The following ADGRA1 variants were observed in gnomAD, a reference collection of about 807,000 sequenced individuals.
The protein encoded by ADGRA1 is adhesion G protein-coupled receptor A1.
A neutral mutation model predicts 21.3 loss-of-function variants in ADGRA1; 12 were observed. The ratio of observed to expected loss-of-function variants is 0.56; its 90% CI spans 0.36 to 0.91. ADGRA1 has a LOEUF of 0.91. Among genes scored for constraint, ADGRA1 ranks in the 40% least tolerant of loss-of-function variants. ADGRA1 has a pLI of 0.01. For synonymous variants in ADGRA1, 385 were observed against 368.8 expected (o/e 1.04, Z -0.50); for missense variants, 790 against 805.6 (o/e 0.98, Z 0.23).
chr10:133,129,172 C>G lies in ADGRA1; in HGVS notation c.1344C>G (p.Pro448=), dbSNP rs1051775773. Residue 448 remains proline, a synonymous_variant, in exon 7 of 7, where the codon CCC becomes CCG. Transcript: ENST00000392607. The part of the protein sequence containing the change: ...YHIPSSLDGS[P]RSSRTDSPPS... The stretch of plus-strand genomic sequence containing the variant: ...TCCCATCCAGCCTGGATGGCAGCCC[C>G]CGCAGCTCGCGCACAGACAGCCCCC... 54 of 1,551,248 alleles carry G rather than the reference C, an allele frequency of 3.5e-5. No homozygotes were observed. Among genetic ancestry groups the G allele is most frequent in the Non-Finnish European group, 4.5e-5 (52 of 1,147,430 alleles).
Position 133,128,730 on chromosome 10 carries a change from T to G in ADGRA1, c.902T>G (p.Phe301Cys), listed in dbSNP as rs1337147339. The part of the protein sequence containing the change: ...YGAFCVTLGL[F>C]VLIHHCAKRE... ...GCCTTCTGCGTGACCCTGGGACTCT[T>G]CGTGCTCATCCACCACTGCGCCAAG... Residue 301 changes from phenylalanine to cysteine, a missense_variant, in exon 7 of 7, where the codon TTC (phenylalanine) becomes TGC (cysteine). By Grantham distance (205) the Phe-to-Cys change is radical. This residue lies in a region of ADGRA1 where 17 missense variants were observed against 38.5 expected (regional missense o/e 0.44). Coordinates refer to ENST00000392607, the MANE Select transcript of ADGRA1 (RefSeq NM_001083909.3). 6.2e-7 allele frequency: 1 copy of G among 1,612,056 alleles called. No homozygotes were observed. Among genetic ancestry groups the G allele is most frequent in the Non-Finnish European group, 8.5e-7 (1 of 1,179,604 alleles).
intron 4 of ADGRA1, 87 bp from the exon 5 acceptor site, chr10:133,102,610 C>A: frequency 6.8e-7 from 1 of 1,463,350 alleles, no homozygotes; most frequent in Non-Finnish European, 9.2e-7. Flanking sequence ...CGTTCTCATT[C>A]TTGAAGTTGC....
intron 5 of ADGRA1, among the ~76,000 whole-genome samples, chr10:133,121,607 TGTGA>T (rs1343695707): frequency 7.0e-6 from 1 of 142,680 alleles, no homozygotes; most frequent in African/African-American, 2.6e-5. Context: ...CGTTTGTGCA[TGTGA>T]GTGCCTGTGT....
chr10:133,089,672 G>A (rs955949826), intron 2 of ADGRA1, among the ~76,000 whole-genome samples: 19 of 152,364 alleles, frequency 1.2e-4, no homozygotes, highest in South Asian at 4.1e-4. Flanking sequence ...CACAGACGCC[G>A]GCTGGCGTGC....
At chr10:133,124,623 C>T (rs1230805395) in intron 5 of ADGRA1, among the ~76,000 whole-genome samples, 3 of 152,260 alleles carry the variant, frequency 2.0e-5, no homozygotes, top group African/African-American at 7.2e-5. Flanking sequence ...CAGAAGATGA[C>T]GCTTGAGTGA....
chr10:133,122,715 C>T lies in ADGRA1; in HGVS notation c.402-4518C>T, dbSNP rs561905872. 1.3e-3 allele frequency among the ~76,000 whole-genome samples: 193 copies of T among 152,298 alleles called. 1 individual carries two copies. The highest frequency in any genetic ancestry group is 5.0e-3 in the South Asian group (24 of 4,828). On this transcript the variant is annotated intron_variant, in intron 5 of 6. Transcript: ENST00000392607. ...GTGGTCACGACCCGCGGGGCAGAAGCGAGAACCTTGGGGCCGGCCCCACCC... is the reference window on the plus strand; with the variant it reads ...GTGGTCACGACCCGCGGGGCAGAAGTGAGAACCTTGGGGCCGGCCCCACCC...
chr10:133,114,217 G>A (rs917222842), intron 5 of ADGRA1, among the ~76,000 whole-genome samples: 5 of 152,188 alleles, frequency 3.3e-5, no homozygotes, highest in African/African-American at 1.2e-4. Flanking sequence ...AGGGCAGAGC[G>A]GGACACACCG....
At chr10:133,109,774 G>T (rs577943729) in intron 5 of ADGRA1, among the ~76,000 whole-genome samples, 1 of 152,228 alleles carries the variant, frequency 6.6e-6, no homozygotes, top group Non-Finnish European at 1.5e-5. Context: ...AAACGGCAGG[G>T]ATGTAGTAAA....
intron 5 of ADGRA1, among the ~76,000 whole-genome samples, chr10:133,121,837 ATG>A (rs1391048652): frequency 1.9e-5 from 2 of 104,980 alleles, no homozygotes; most frequent in African/African-American, 7.7e-5. Context: ...CTGTGCATAT[ATG>A]TGTGCCTGTG....
intron 2 of ADGRA1, among the ~76,000 whole-genome samples, chr10:133,089,711 A>G (rs1202921253): frequency 3.3e-5 from 5 of 152,242 alleles, no homozygotes; most frequent in African/African-American, 1.2e-4. Flanking sequence ...TTCGCTGCAT[A>G]AGGAGCCATC....
intron 2 of ADGRA1, chr10:133,092,971 A>G: frequency 6.3e-7 from 1 of 1,587,482 alleles, no homozygotes; most frequent in Non-Finnish European, 8.5e-7. Context: ...GGAGCTGCAG[A>G]CCTGGCCCCG....
At chr10:133,126,409 C>T (rs972866312) in intron 5 of ADGRA1, among the ~76,000 whole-genome samples, 1 of 152,194 alleles carries the variant, frequency 6.6e-6, no homozygotes, top group African/African-American at 2.4e-5. Context: ...GCCCACTGAA[C>T]GTGTGGGGCA....
intron 5 of ADGRA1, among the ~76,000 whole-genome samples, chr10:133,113,188 CTGTAAGCCGCGTCGGTTA>C: frequency 6.7e-6 from 1 of 150,054 alleles, no homozygotes; most frequent in East Asian, 1.9e-4. Flanking sequence ...TATTTGAGGT[CTGTAAGCCGCGTCGGTTA>C]TTTGAGGTCT....
intron 4 of ADGRA1, among the ~76,000 whole-genome samples, chr10:133,099,263 AGAGAAAGTGGTGGGGAGACACAGC>A (rs1851748870): frequency 7.7e-6 from 1 of 129,956 alleles, no homozygotes; most frequent in Non-Finnish European, 1.6e-5. Context: ...CGCCCCTCCC[AGAGAAAGTGGTGGGGAGACACAGC>A]CCACCCCTCC....
At chr10:133,104,930 C>T (rs1191083376) in intron 5 of ADGRA1, among the ~76,000 whole-genome samples, 1 of 152,156 alleles carries the variant, frequency 6.6e-6, no homozygotes, top group Non-Finnish European at 1.5e-5. Flanking sequence ...TGGAGCGGGG[C>T]CTTTCTCCCC....
At chr10:133,102,417 CAG>C in intron 4 of ADGRA1, 10 of 575,648 alleles carry the variant, frequency 1.7e-5, no homozygotes, top group South Asian at 1.5e-4. Context: ...GTTGTGCATG[CAG>C]AGGGGCGTGA....
intron 1 of ADGRA1, 55 bp from the exon 2 acceptor site, chr10:133,088,653 G>A (rs1851545288): frequency 2.7e-6 from 3 of 1,131,632 alleles, no homozygotes; most frequent in African/African-American, 3.2e-5. Flanking sequence ...GGGGCTGCGA[G>A]CTGCCCTCCG....
In ADGRA1 at chr10:133,129,183, G is replaced by A. The variant is rs554931104; in HGVS notation, c.1355G>A (p.Arg452His). 2.8e-5 allele frequency: 44 copies of A among 1,550,606 alleles called. No individual in the cohort carries two copies. The East Asian group carries it at 8.3e-4, about 29-fold the overall frequency. The change falls in exon 7 of 7, where the codon CGC (arginine) becomes CAC (histidine). Residue 452 changes from arginine (R) to histidine (H), a missense_variant. Physicochemically the swap from Arg to His is conservative, Grantham distance 29. This residue lies in a region of ADGRA1 where 391 missense variants were observed against 351.5 expected (regional missense o/e 1.11). Coordinates refer to ENST00000392607, the MANE Select transcript of ADGRA1 (RefSeq NM_001083909.3). ...SSLDGSPRSS[R>H]TDSPPSSLDG... ...CTGGATGGCAGCCCCCGCAGCTCGC[G>A]CACAGACAGCCCCCCCAGCTCTCTG...
chr10:133,088,518 C>A (rs1406332844), intron 1 of ADGRA1, 190 bp from the exon 2 acceptor site: 2 of 239,516 alleles, frequency 8.4e-6, no homozygotes, highest in East Asian at 8.4e-5. Flanking sequence ...CTGCCGCTGG[C>A]GCGTTCGGTC....
Sources: gnomAD v4.1 joint callset for allele counts (sites outside exome capture counted in the v4.1 genomes callset) on GRCh38, gnomAD v4.1.1 for gene constraint, gnomAD v4.1.1 regional missense constraint, MANE v1.5 for transcripts, NCBI Gene and HGNC (gene_info 2026-07-23, HGNC 2026-07-21) for gene names.